Variants in PIBF1 observed in about 807,000 individuals in gnomAD.
PIBF1 encodes progesterone-induced-blocking factor 1.
PIBF1 carries 90 observed loss-of-function variants against 112.5 expected under a neutral mutation model. The ratio of observed to expected loss-of-function variants is 0.80; its 90% CI spans 0.67 to 0.95. The LOEUF (loss-of-function observed/expected upper bound fraction) is 0.95, where lower values mean the gene tolerates loss of function less well. Ranked by LOEUF, PIBF1 falls within the 40% of genes least tolerant of loss-of-function variation. The probability of loss-of-function intolerance (pLI) is 0.00; values close to 1 mark genes in which losing one functional copy is unlikely to be tolerated. For synonymous variants in PIBF1, 301 were observed against 288.6 expected, an observed-to-expected ratio of 1.04 and a Z score of -0.44; for missense variants, 915 against 852.3, an observed-to-expected ratio of 1.07 and a Z score of -0.92.
chr13:72,819,710 T>A (rs1188323245), intron 5 of PIBF1, among the ~76,000 whole-genome samples: 1 of 152,098 alleles, frequency 6.6e-6, no homozygotes, highest in African/African-American at 2.4e-5. Context: ...AAAGAGGACA[T>A]ACTGAGTATT....
At chr13:72,803,153 T>A (rs1297251891) in intron 5 of PIBF1, among the ~76,000 whole-genome samples, 6 of 152,052 alleles carry the variant, frequency 3.9e-5, no homozygotes, top group Non-Finnish European at 1.5e-5. Context: ...TATAGACAAC[T>A]CTTTCTGAGT....
At chr13:72,916,761 A>G (rs934520117) in intron 12 of PIBF1, among the ~76,000 whole-genome samples, 5 of 152,144 alleles carry the variant, frequency 3.3e-5, no homozygotes, top group Admixed American at 6.5e-5. Flanking sequence ...GTTATATTAC[A>G]TAGCATATTT....
chr13:72,967,731 A>G (rs1271718685), intron 15 of PIBF1, among the ~76,000 whole-genome samples: 1 of 152,286 alleles, frequency 6.6e-6, no homozygotes, highest in Non-Finnish European at 1.5e-5. Flanking sequence ...TTGCTATTAC[A>G]TATTTTCTCT....
intron 12 of PIBF1, among the ~76,000 whole-genome samples, 173 bp downstream of exon 12, chr13:72,908,854 GCCTGGCCAA>G (rs2040798904): frequency 1.6e-5 from 2 of 122,706 alleles, no homozygotes; most frequent in Admixed American, 8.2e-5. Flanking sequence ...TTCGAGACCA[GCCTGGCCAA>G]CGTGACAAAA....
At chr13:72,796,780 G>A (rs149825498) in intron 4 of PIBF1, among the ~76,000 whole-genome samples, 1 of 151,986 alleles carries the variant, frequency 6.6e-6, no homozygotes, top group East Asian at 1.9e-4. Context: ...CACACTGGTG[G>A]CAGTTACACA....
intron 13 of PIBF1, among the ~76,000 whole-genome samples, 197 bp downstream of exon 13, chr13:72,917,363 TG>T (rs2041139810): frequency 1.4e-5 from 2 of 148,134 alleles, no homozygotes; most frequent in Non-Finnish European, 2.9e-5. Context: ...TTTGTAGAAG[TG>T]TGCATAAGAA....
At chr13:72,992,041 G>A (rs2043499504) in intron 16 of PIBF1, among the ~76,000 whole-genome samples, 2 of 152,070 alleles carry the variant, frequency 1.3e-5, no homozygotes, top group African/African-American at 4.8e-5. Flanking sequence ...TTTTAAAACT[G>A]TCTCAGCTGG....
chr13:73,004,229 G>T (rs1268103379), intron 17 of PIBF1, among the ~76,000 whole-genome samples: 1 of 152,048 alleles, frequency 6.6e-6, no homozygotes, highest in Non-Finnish European at 1.5e-5. Flanking sequence ...GGTGGCTCAC[G>T]CCTGTACTCC....
rs1286397309 is a variant in PIBF1, at chr13:72,782,290, C to T, written c.-107C>T. 6.2e-6 allele frequency: 1 copy of T among 160,310 alleles called. No homozygotes were observed. The highest frequency in any genetic ancestry group is 1.4e-5 in the Non-Finnish European group (1 of 73,204). 9.9% of individuals were successfully genotyped at this position (160,310 alleles called of 1,614,324 possible). On this transcript the variant is annotated 5_prime_UTR_variant, in exon 1 of 18. Coordinates refer to ENST00000326291, the MANE Select transcript of PIBF1 (RefSeq NM_006346.4). ...TTCCGACCGGAGACGCCTTTGGTCC[C>T]TCGGTGTCTGCACTGGCTGCTGGTC...
chr13:72,969,124 A>G (rs1343784438), intron 15 of PIBF1, among the ~76,000 whole-genome samples: 1 of 152,214 alleles, frequency 6.6e-6, no homozygotes, highest in Non-Finnish European at 1.5e-5. Flanking sequence ...TCTTCATAAT[A>G]TACACAGATA....
chr13:72,944,627 A>AT (rs1001004390), intron 14 of PIBF1, among the ~76,000 whole-genome samples: 6 of 151,696 alleles, frequency 4.0e-5, no homozygotes, highest in African/African-American at 9.7e-5. Flanking sequence ...TTTTTGTTTT[A>AT]TTTTTTTTAA....
At chr13:72,799,756 T>C (rs955759506) in intron 5 of PIBF1, among the ~76,000 whole-genome samples, 2 of 152,198 alleles carry the variant, frequency 1.3e-5, no homozygotes, top group African/African-American at 2.4e-5. Context: ...GCGTTGGTTC[T>C]ATACACCTTA....
At chr13:72,834,950 C>G (rs1003195618) in intron 8 of PIBF1, among the ~76,000 whole-genome samples, 4 of 152,050 alleles carry the variant, frequency 2.6e-5, no homozygotes, top group African/African-American at 4.8e-5. Flanking sequence ...TGCATTAAAA[C>G]TACTAGAAAA....
At chr13:72,949,975 T>A (rs1042593210) in intron 14 of PIBF1, among the ~76,000 whole-genome samples, 4 of 152,230 alleles carry the variant, frequency 2.6e-5, no homozygotes, top group African/African-American at 9.6e-5. Flanking sequence ...GTGTGACTGT[T>A]GTATAAATAT....
rs187332622 is a variant in PIBF1 at position 72,855,715 on chromosome 13, A to G, written c.1322+1560A>G. ...TGGTGTAAAAGATCATGGTATGTAA[A>G]TCAGCTCCTTTCATTAGAGTTCCTA... On this transcript the variant is annotated intron_variant, in intron 10 of 17. Transcript: ENST00000326291. 1.1e-3 allele frequency among the ~76,000 whole-genome samples: 175 copies of G among 152,246 alleles called. 1 individual carries two copies. The highest frequency in any genetic ancestry group is 0.011 in the Admixed American group (168 of 15,292).
At chr13:72,949,696 A>G (rs2042247432) in intron 14 of PIBF1, among the ~76,000 whole-genome samples, 1 of 152,076 alleles carries the variant, frequency 6.6e-6, no homozygotes, top group African/African-American at 2.4e-5. Flanking sequence ...GCCCAAATAT[A>G]TGTTGTGTAT....
intron 13 of PIBF1, among the ~76,000 whole-genome samples, chr13:72,917,930 C>A (rs1368993941): frequency 1.3e-5 from 2 of 152,148 alleles, no homozygotes; most frequent in Non-Finnish European, 2.9e-5. Flanking sequence ...GACTTGAGCA[C>A]TCATGGATTT....
intron 10 of PIBF1, among the ~76,000 whole-genome samples, chr13:72,873,525 C>T (rs145578716): frequency 8.5e-5 from 13 of 152,200 alleles, no homozygotes; most frequent in African/African-American, 3.1e-4. Flanking sequence ...GCCTCAGCCT[C>T]CCAAGTAGCT....
intron 9 of PIBF1, among the ~76,000 whole-genome samples, chr13:72,845,103 TG>T (rs1312099362): frequency 6.6e-6 from 1 of 152,060 alleles, no homozygotes; most frequent in Admixed American, 6.6e-5. Flanking sequence ...AAGCCCCACA[TG>T]CATTAGCTGT....
Sources: allele counts gnomAD v4.1 joint callset (sites outside exome capture counted in the v4.1 genomes callset), GRCh38; gene constraint gnomAD v4.1.1; transcripts MANE v1.5; gene names NCBI Gene and HGNC (gene_info 2026-07-23, HGNC 2026-07-21).